Variants in GAS2L3 observed in about 807,000 individuals in gnomAD.
GAS2L3 encodes GAS2-like protein 3.
A neutral mutation model predicts 37.0 loss-of-function variants in GAS2L3; 28 were observed. The observed-to-expected ratio is 0.76, with a 90% CI of 0.56 to 1.04. GAS2L3 has a LOEUF of 1.04. Ranked by LOEUF, GAS2L3 falls within the 50% of genes least tolerant of loss-of-function variation. The pLI is 0.00. For missense variants in GAS2L3, 793 were observed against 817.6 expected (o/e 0.97, Z 0.37); for synonymous variants, 290 against 296.6 (o/e 0.98, Z 0.23).
Position 100,624,495 on chromosome 12 carries a change from GT to G in GAS2L3, c.1693del (p.Ser565LeufsTer8). 6.2e-7 allele frequency: 1 copy of G among 1,614,078 alleles called. No individual in the cohort carries two copies. The highest frequency in any genetic ancestry group is 8.5e-7 in the Non-Finnish European group (1 of 1,180,026). ...ATCGGCCTTGAATTTAAATCAGCCAGTTTCTGTGTCCTCAGTTTCTCCTGTA... is the reference window on the plus strand; with the variant it reads ...ATCGGCCTTGAATTTAAATCAGCCAGTTCTGTGTCCTCAGTTTCTCCTGTA... Reference protein sequence around the residue: ...LKSALNLNQPVSVSSVSPVKA... With the variant: ...LKSALNLNQPXSVSSVSPVKA... On this transcript the variant is annotated frameshift_variant, in exon 10 of 10. Coordinates refer to ENST00000547754, the MANE Select transcript of GAS2L3 (RefSeq NM_174942.3). LOFTEE classifies it low-confidence loss of function (END_TRUNC).
chr12:100,622,331 G>A lies in GAS2L3; in HGVS notation c.705G>A (p.Glu235=). The change falls in exon 9 of 10, where the codon GAG becomes GAA. Residue 235 remains glutamate (E), a synonymous_variant. Transcript: ENST00000547754. ...GTTGTTCTCATCGATTTTCTATTGA[G>A]TATTTATCTGAAGGACGGTACCGAC... ...PCSCSHRFSI[E]YLSEGRYRLG... 1 of 1,605,042 alleles carries A rather than the reference G, an allele frequency of 6.2e-7. No homozygotes were observed. Among genetic ancestry groups the A allele is most frequent in the Non-Finnish European group, 8.5e-7 (1 of 1,172,652 alleles).
chr12:100,596,338 T>C (rs1955911712), intron 3 of GAS2L3, among the ~76,000 whole-genome samples: 1 of 152,142 alleles, frequency 6.6e-6, no homozygotes, highest in African/African-American at 2.4e-5. Flanking sequence ...TTTTCTATTG[T>C]TGCCACATTG....
At chr12:100,617,254 T>C (rs1368274357) in intron 6 of GAS2L3, among the ~76,000 whole-genome samples, 2 of 152,176 alleles carry the variant, frequency 1.3e-5, no homozygotes, top group Admixed American at 6.5e-5. Context: ...ATAAGACATA[T>C]TGGGTTTTAG....
intron 2 of GAS2L3, among the ~76,000 whole-genome samples, chr12:100,594,430 T>A (rs923461250): frequency 3.3e-5 from 5 of 152,046 alleles, no homozygotes; most frequent in Non-Finnish European, 5.9e-5. Flanking sequence ...GTTTGTGAAT[T>A]TATGCAAAGT....
chr12:100,598,145 A>T (rs1373237683), intron 3 of GAS2L3, among the ~76,000 whole-genome samples: 1 of 152,314 alleles, frequency 6.6e-6, no homozygotes, highest in Admixed American at 6.5e-5. Flanking sequence ...ACAATGAAAT[A>T]GTCAGAATCA....
chr12:100,622,248 C>G, intron 8 of GAS2L3, 27 bp from the exon 9 acceptor site: 2 of 1,284,242 alleles, frequency 1.6e-6, no homozygotes, highest in African/African-American at 3.0e-5. Flanking sequence ...GTGACAAGCA[C>G]TAAATTTTAT....
At chr12:100,587,237 A>G (rs1368446957) in intron 1 of GAS2L3, among the ~76,000 whole-genome samples, 1 of 152,216 alleles carries the variant, frequency 6.6e-6, no homozygotes, top group East Asian at 1.9e-4. Context: ...TGTAGCCAGC[A>G]TCACCCTAAT....
At chr12:100,596,093 A>G (rs1291275176) in intron 3 of GAS2L3, among the ~76,000 whole-genome samples, 1 of 151,978 alleles carries the variant, frequency 6.6e-6, no homozygotes, top group African/African-American at 2.4e-5. Context: ...CTCCTACTCT[A>G]CTAAATACAG....
intron 3 of GAS2L3, among the ~76,000 whole-genome samples, chr12:100,597,964 T>A (rs986938309): frequency 5.9e-5 from 9 of 152,090 alleles, no homozygotes; most frequent in African/African-American, 2.2e-4. Flanking sequence ...AAAGTTTGGT[T>A]TTTTTAAAAA....
chr12:100,579,459 C>T (rs1361555353), intron 1 of GAS2L3: 3 of 818,046 alleles, frequency 3.7e-6, no homozygotes, highest in Non-Finnish European at 6.4e-6. Flanking sequence ...AGAAAGGGAA[C>T]AAATTTGGTT....
At chr12:100,579,945 T>A (rs1955689038) in intron 1 of GAS2L3, 1 of 781,650 alleles carries the variant, frequency 1.3e-6, no homozygotes, top group African/African-American at 1.7e-5. Flanking sequence ...TGACCAAGTA[T>A]CAGTGGAATC....
chr12:100,597,777 C>T, intron 3 of GAS2L3, among the ~76,000 whole-genome samples: 1 of 151,996 alleles, frequency 6.6e-6, no homozygotes, highest in African/African-American at 2.4e-5. Context: ...CCATTCCCCG[C>T]CACCAGTTTG....
chr12:100,581,735 A>G (rs1726242233), intron 1 of GAS2L3, among the ~76,000 whole-genome samples: 1 of 152,240 alleles, frequency 6.6e-6, no homozygotes, highest in Non-Finnish European at 1.5e-5. Context: ...ACATATAAAC[A>G]TGAAATAACC....
Position 100,579,320 on chromosome 12 carries a change from G to C in GAS2L3, c.-152+5535G>C, listed in dbSNP as rs56147272. On this transcript the variant is annotated intron_variant, in intron 1 of 9. Transcript: ENST00000547754. The stretch of plus-strand genomic sequence containing the variant: ...TTCTTATACTAGTAAGGAAAATACC[G>C]TACTACGAGCGGCACTGATTACTGA... The C allele has an allele frequency of 1.8e-5, 12 of 657,022 alleles. No homozygotes were observed. In the African/African-American group the frequency reaches 2.2e-4, roughly 12 times the overall value. The allele number at this position is 657,022 out of a possible 1,614,324, so 40.7% of individuals were successfully genotyped here.
rs1482291402 is a variant in GAS2L3, at chr12:100,628,018, T to C, written c.*3128T>C. ...TAAATTGGATGACCTCTAACTTTAC[T>C]GTCCATATGGAGTTTGTCATTCTTT... On this transcript the variant is annotated 3_prime_UTR_variant, in exon 10 of 10. Transcript: ENST00000547754. 1.3e-5 allele frequency: 2 copies of C among 152,206 alleles called. No individual in the cohort carries two copies. Among genetic ancestry groups the C allele is most frequent in the East Asian group, 3.9e-4 (2 of 5,194 alleles). 9.4% of individuals were successfully genotyped at this position (152,206 alleles called of 1,614,324 possible).
chr12:100,608,897 ACT>A (rs1319242284), intron 5 of GAS2L3, among the ~76,000 whole-genome samples: 1 of 151,442 alleles, frequency 6.6e-6, no homozygotes, highest in Non-Finnish European at 1.5e-5. Context: ...AATCCTTCCC[ACT>A]CTTTCTTCCT....
In GAS2L3 at chr12:100,623,744, G is replaced by A. The variant is rs370857345; in HGVS notation, c.939G>A (p.Gln313=). Residue 313 remains glutamine, a synonymous_variant, in exon 10 of 10, where the codon CAG becomes CAA. Transcript: ENST00000547754. ...CTGATTCGCCTGCCAGAACACCTCA[G>A]CCTCCTGAAATGAATCCTTTGTCAG... ...SVPDSPARTP[Q]PPEMNPLSAV... is the part of the protein sequence containing the mutation. 12 of 1,613,900 alleles carry A rather than the reference G, an allele frequency of 7.4e-6. No individual in the cohort carries two copies. The African/African-American group carries it at 1.3e-4, about 18-fold the overall frequency.
At position 100,625,801 on chromosome 12, in the gene GAS2L3, T is replaced by C. The variant is rs1956326444; in HGVS notation, c.*911T>C. On this transcript the variant is annotated 3_prime_UTR_variant, in exon 10 of 10. Transcript: ENST00000547754. Reference sequence around the variant, plus strand: ...AATTATGTTTTAACAACTTTAAAATTAAGATGATGTTAAAATAATTTTAGA... The same window carrying C: ...AATTATGTTTTAACAACTTTAAAATCAAGATGATGTTAAAATAATTTTAGA... The C allele has an allele frequency of 6.6e-6, 1 of 152,204 alleles. No individual in the cohort carries two copies. The highest frequency in any genetic ancestry group is 1.5e-5 in the Non-Finnish European group (1 of 68,030). The allele number at this position is 152,204 out of a possible 1,614,324, so 9.4% of individuals were successfully genotyped here.
At chr12:100,610,578 C>T (rs751894419) in intron 5 of GAS2L3, among the ~76,000 whole-genome samples, 15 of 150,252 alleles carry the variant, frequency 1.0e-4, no homozygotes, top group Non-Finnish European at 1.3e-4. Context: ...AAACTCCTAA[C>T]GTTATTTTAG....
Sources: allele counts gnomAD v4.1 joint callset (sites outside exome capture counted in the v4.1 genomes callset), GRCh38; gene constraint gnomAD v4.1.1; transcripts MANE v1.5; gene names NCBI Gene and HGNC (gene_info 2026-07-23, HGNC 2026-07-21).